TACR1: variants seen among roughly 807,000 people sequenced by gnomAD.
TACR1 encodes tachykinin receptor 1, also known as substance-P receptor.
TACR1 carries 25 observed loss-of-function variants against 35.8 expected under a neutral mutation model. The ratio of observed to expected loss-of-function variants is 0.70; its 90% CI spans 0.51 to 0.98. The LOEUF (loss-of-function observed/expected upper bound fraction) is 0.98. Among genes scored for constraint, TACR1 ranks in the 50% least tolerant of loss-of-function variants. TACR1 has a pLI of 0.00. For missense variants in TACR1, 478 were observed against 522.9 expected (o/e 0.91, Z 0.84); for synonymous variants, 195 against 206.7 (o/e 0.94, Z 0.48).
At chr2:75,074,275 T>C (rs576445790) in intron 2 of TACR1, among the ~76,000 whole-genome samples, 18 of 150,922 alleles carry the variant, frequency 1.2e-4, no homozygotes, top group Non-Finnish European at 2.2e-4. Context: ...TAGTTGTGAC[T>C]TGTTGCAAAG....
At chr2:75,077,039 T>G (rs373198484) in intron 2 of TACR1, among the ~76,000 whole-genome samples, 1 of 152,190 alleles carries the variant, frequency 6.6e-6, no homozygotes, top group African/African-American at 2.4e-5. Flanking sequence ...GGCTCGATCT[T>G]GGCTCACCGT....
rs1040088932 is a variant in TACR1 at position 75,046,939 on chromosome 2, A to T, written c.*2493T>A. ...CAAGTAAACACACTTGGATAAACAC[A>T]GGGTGATGCATTTCTAGAATAAGAA... On this transcript the variant is annotated 3_prime_UTR_variant, in exon 5 of 5. Coordinates refer to ENST00000305249, the MANE Select transcript of TACR1 (RefSeq NM_001058.4). 1 of 152,234 alleles carries T rather than the reference A, an allele frequency of 6.6e-6. No homozygotes were observed. The highest frequency in any genetic ancestry group is 2.4e-5 in the African/African-American group (1 of 41,452). The allele number at this position is 152,234 out of a possible 1,614,324, so 9.4% of individuals were successfully genotyped here.
At position 75,102,504 on chromosome 2, in the gene TACR1, G is replaced by A. The variant is rs72918540; in HGVS notation, c.584+18070C>T. On this transcript the variant is annotated intron_variant, in intron 2 of 4. Coordinates refer to ENST00000305249, the MANE Select transcript of TACR1 (RefSeq NM_001058.4). ...ATCTTGGTCTGAACATTGACAGTAA[G>A]TGTTAGGTTATGGGAAGACTTACTA... is the stretch of plus-strand genomic sequence containing the variant. Among the ~76,000 whole-genome samples, 511 of 152,084 alleles carry A rather than the reference G, an allele frequency of 3.4e-3. 2 individuals are homozygous for A. The highest frequency in any genetic ancestry group is 0.011 in the African/African-American group (476 of 41,502).
chr2:75,053,396 C>CT (rs1296326485), intron 3 of TACR1, among the ~76,000 whole-genome samples: 6 of 152,158 alleles, frequency 3.9e-5, no homozygotes, highest in African/African-American at 1.4e-4. Context: ...TGCAATTACT[C>CT]TTTAAGAGCA....
intron 1 of TACR1, among the ~76,000 whole-genome samples, chr2:75,144,724 A>G (rs1215490040): frequency 2.0e-5 from 3 of 152,228 alleles, no homozygotes; most frequent in Non-Finnish European, 4.4e-5. Context: ...TATCAGAAAT[A>G]TTACTGTTAA....
At chr2:75,057,461 G>A (rs1330785871) in intron 2 of TACR1, among the ~76,000 whole-genome samples, 1 of 152,200 alleles carries the variant, frequency 6.6e-6, no homozygotes, top group African/African-American at 2.4e-5. Flanking sequence ...CTGTTGGGTG[G>A]TCTCTTCACA....
At chr2:75,196,497 G>T (rs1443654971) in intron 1 of TACR1, among the ~76,000 whole-genome samples, 2 of 152,100 alleles carry the variant, frequency 1.3e-5, no homozygotes, top group Non-Finnish European at 2.9e-5. Context: ...ATTCCCTGTC[G>T]CTGTCATTTC....
chr2:75,157,061 T>C (rs1003173537), intron 1 of TACR1, among the ~76,000 whole-genome samples: 1 of 152,168 alleles, frequency 6.6e-6, no homozygotes, highest in African/African-American at 2.4e-5. Flanking sequence ...TTCCAGCTGC[T>C]GACCTGGATC....
At chr2:75,136,564 C>T (rs1313434658) in intron 1 of TACR1, among the ~76,000 whole-genome samples, 1 of 152,136 alleles carries the variant, frequency 6.6e-6, no homozygotes, top group Non-Finnish European at 1.5e-5. Context: ...ACTGGGCTGC[C>T]TTCCCCCTCC....
intron 1 of TACR1, among the ~76,000 whole-genome samples, chr2:75,171,388 G>A (rs1026303498): frequency 4.1e-4 from 63 of 152,196 alleles, no homozygotes; most frequent in African/African-American, 1.3e-3. Flanking sequence ...TGTCCAGGCC[G>A]AGGTGTGCTG....
At chr2:75,198,125 G>T (rs952200288) in intron 1 of TACR1, among the ~76,000 whole-genome samples, 1 of 152,188 alleles carries the variant, frequency 6.6e-6, no homozygotes, top group Non-Finnish European at 1.5e-5. Flanking sequence ...CTGTCTGACA[G>T]AAAAACAGGC....
chr2:75,177,333 C>G (rs968920886), intron 1 of TACR1, among the ~76,000 whole-genome samples: 14 of 152,188 alleles, frequency 9.2e-5, no homozygotes, highest in African/African-American at 3.1e-4. Flanking sequence ...ATAGTATCCA[C>G]ATACATGATT....
chr2:75,185,559 T>A (rs893163943), intron 1 of TACR1, among the ~76,000 whole-genome samples: 2 of 152,150 alleles, frequency 1.3e-5, no homozygotes, highest in Non-Finnish European at 2.9e-5. Context: ...AAAGCTCTAT[T>A]AATTCACAAA....
At chr2:75,186,355 C>T (rs909364937) in intron 1 of TACR1, among the ~76,000 whole-genome samples, 23 of 116,838 alleles carry the variant, frequency 2.0e-4, no homozygotes, top group African/African-American at 6.9e-4. Context: ...CTGGGCAACA[C>T]AGCAAGACTC....
At chr2:75,118,805 A>G (rs1035291578) in intron 2 of TACR1, 1 of 152,232 alleles carries the variant, frequency 6.6e-6, no homozygotes, top group East Asian at 1.9e-4. Flanking sequence ...CAGTTTATAT[A>G]ACGAGCTTTA....
At chr2:75,097,417 T>A (rs1328468343) in intron 2 of TACR1, among the ~76,000 whole-genome samples, 2 of 152,118 alleles carry the variant, frequency 1.3e-5, no homozygotes, top group Non-Finnish European at 2.9e-5. Flanking sequence ...AAACTATTTC[T>A]GTTCTGTAAA....
At chr2:75,192,631 A>G (rs1675876447) in intron 1 of TACR1, among the ~76,000 whole-genome samples, 1 of 152,184 alleles carries the variant, frequency 6.6e-6, no homozygotes, top group Non-Finnish European at 1.5e-5. Flanking sequence ...TAAATGAGGT[A>G]TCATCCAAAA....
intron 2 of TACR1, among the ~76,000 whole-genome samples, chr2:75,085,837 T>G (rs966624522): frequency 6.6e-6 from 1 of 152,204 alleles, no homozygotes. Context: ...CATTTTCAGA[T>G]TTCCTCATTC....
chr2:75,198,917 C>T lies in TACR1; in HGVS notation c.18G>A (p.Pro6=). 1.9e-6 allele frequency: 3 copies of T among 1,613,410 alleles called. No individual in the cohort carries two copies. The highest frequency in any genetic ancestry group is 1.1e-5 in the South Asian group (1 of 91,014). Reference sequence around the variant, plus strand: ...TGTTTGGGGAGAGGTCTGAGTCCACCGGGAGGACGTTATCCATTTCGAAGC... The same window carrying T: ...TGTTTGGGGAGAGGTCTGAGTCCACTGGGAGGACGTTATCCATTTCGAAGC... MDNVL[P]VDSDLSPNIS... Residue 6 remains proline (P), a synonymous_variant, in exon 1 of 5, where the codon CCG becomes CCA. Coordinates refer to ENST00000305249, the MANE Select transcript of TACR1 (RefSeq NM_001058.4).
Sources: gnomAD v4.1 joint callset for allele counts (sites outside exome capture counted in the v4.1 genomes callset) on GRCh38, gnomAD v4.1.1 for gene constraint, MANE v1.5 for transcripts, NCBI Gene and HGNC (gene_info 2026-07-23, HGNC 2026-07-21) for gene names.